Variants in PAM observed in about 807,000 individuals in gnomAD.
PAM encodes the protein peptidyl-glycine alpha-amidating monooxygenase.
A neutral mutation model predicts 122.1 loss-of-function variants in PAM; 72 were observed. That is an observed-to-expected ratio of 0.59 (90% CI 0.49 to 0.72). PAM has a LOEUF of 0.72. PAM is among the 30% of genes least tolerant of loss of function. The pLI is 0.00. For synonymous variants in PAM, 389 were observed against 404.4 expected (o/e 0.96, Z 0.46); for missense variants, 1,106 against 1,183.7 (o/e 0.93, Z 0.96).
At chr5:102,865,799 C>T (rs185444451) in intron 1 of PAM, 24 bp from the exon 2 acceptor site, 62 of 183,988 alleles carry the variant, frequency 3.4e-4, no homozygotes, top group African/African-American at 1.3e-3. Flanking sequence ...GTTAGTCATC[C>T]ATTATCTGCT....
intron 1 of PAM, among the ~76,000 whole-genome samples, chr5:102,793,370 A>G (rs192087796): frequency 1.5e-5 from 2 of 135,958 alleles, no homozygotes; most frequent in African/African-American, 5.1e-5. Context: ...TCAAAAAAAA[A>G]TGAAAAAAAA....
At chr5:102,805,440 T>C (rs922974690) in intron 1 of PAM, among the ~76,000 whole-genome samples, 1 of 152,164 alleles carries the variant, frequency 6.6e-6, no homozygotes, top group Non-Finnish European at 1.5e-5. Context: ...GTCTTTGAAG[T>C]CTTAGGATCC....
At chr5:102,761,538 A>G (rs1300437446) in intron 1 of PAM, among the ~76,000 whole-genome samples, 1 of 152,226 alleles carries the variant, frequency 6.6e-6, no homozygotes, top group African/African-American at 2.4e-5. Flanking sequence ...TCATACTACT[A>G]CCTGCTTTTT....
In PAM at chr5:103,028,986, A is replaced by C. The variant is rs1427421130; in HGVS notation, c.2843A>C (p.Gln948Pro). The change falls in exon 26 of 26, where the codon CAA becomes CCA. Residue 948 changes from glutamine to proline, a missense_variant. Physicochemically the swap from Gln to Pro is moderately conservative, Grantham distance 76. Coordinates refer to ENST00000438793, the MANE Select transcript of PAM (RefSeq NM_001177306.2). ...FDRLSTEGSDQEKEDDGSESE... is the reference protein window; with the variant it reads ...FDRLSTEGSDPEKEDDGSESE... ...CGGCTTAGCACTGAGGGCAGTGACC[A>C]AGAGAAAGAGGATGATGGAAGTGAA... 1 of 1,613,938 alleles carries C rather than the reference A, an allele frequency of 6.2e-7. No individual in the cohort carries two copies. The highest frequency in any genetic ancestry group is 1.1e-5 in the South Asian group (1 of 91,076).
chr5:102,994,845 T>G (rs983670812), intron 16 of PAM, among the ~76,000 whole-genome samples: 2 of 152,168 alleles, frequency 1.3e-5, no homozygotes, highest in African/African-American at 4.8e-5. Flanking sequence ...TTGTATTAGG[T>G]CTCTTTGATA....
At chr5:103,009,221 A>T (rs1239293649) in intron 20 of PAM, among the ~76,000 whole-genome samples, 1 of 152,194 alleles carries the variant, frequency 6.6e-6, no homozygotes, top group African/African-American at 2.4e-5. Flanking sequence ...TAAGGAAAAT[A>T]TGTCTTTGAT....
chr5:102,906,961 T>C (rs1183569063), intron 4 of PAM, among the ~76,000 whole-genome samples: 2 of 151,768 alleles, frequency 1.3e-5, no homozygotes, highest in Non-Finnish European at 2.9e-5. Context: ...ATGAAGTCTA[T>C]TGATTCTTTG....
chr5:102,826,728 G>A (rs1191920625), intron 1 of PAM, among the ~76,000 whole-genome samples: 1 of 152,114 alleles, frequency 6.6e-6, no homozygotes, highest in African/African-American at 2.4e-5. Flanking sequence ...TATGCTCCTT[G>A]ACAGGTCTTA....
At chr5:102,954,585 G>T (rs2150137106) in intron 12 of PAM, among the ~76,000 whole-genome samples, 1 of 151,860 alleles carries the variant, frequency 6.6e-6, no homozygotes, top group South Asian at 2.1e-4. Flanking sequence ...TTGCACCAAA[G>T]TATTATATAT....
At position 103,009,794 on chromosome 5, in the gene PAM, A is replaced by G. The variant is rs1039065799; in HGVS notation, c.2259A>G (p.Gln753=). The G allele has an allele frequency of 6.8e-6, 11 of 1,612,634 alleles. No individual in the cohort carries two copies. The East Asian group carries it at 1.3e-4, about 20-fold the overall frequency. ...ATGGGAAGCCTCATTTTGGGGACCA[A>G]GAACCTGTACAAGGATTTGTGATGA... The part of the protein sequence containing the change: ...AVNGKPHFGD[Q]EPVQGFVMNF... Residue 753 remains glutamine, a synonymous_variant, in exon 21 of 26, where the codon CAA becomes CAG. Transcript: ENST00000438793.
At chr5:102,896,104 T>C (rs1426042052) in intron 3 of PAM, 1 of 151,710 alleles carries the variant, frequency 6.6e-6, no homozygotes, top group African/African-American at 2.4e-5. Context: ...TTAATGATAG[T>C]AGATTATTAG....
chr5:102,898,318 G>A (rs1210929725), intron 3 of PAM, among the ~76,000 whole-genome samples: 1 of 151,438 alleles, frequency 6.6e-6, no homozygotes, highest in Non-Finnish European at 1.5e-5. Context: ...CAGTCCCCTG[G>A]CACCAAGCTC....
At chr5:102,799,668 T>G (rs1764200561) in intron 1 of PAM, among the ~76,000 whole-genome samples, 1 of 152,172 alleles carries the variant, frequency 6.6e-6, no homozygotes, top group South Asian at 2.1e-4. Context: ...TCTTTATCAT[T>G]TATAATATTT....
intron 16 of PAM, among the ~76,000 whole-genome samples, chr5:102,999,025 T>TGA (rs1340799306): frequency 6.6e-6 from 1 of 152,318 alleles, no homozygotes; most frequent in Non-Finnish European, 1.5e-5. Flanking sequence ...AAAAACGTCC[T>TGA]TCACATGATG....
intron 14 of PAM, 109 bp from the exon 15 acceptor site, chr5:102,974,007 C>T: frequency 1.4e-6 from 1 of 697,442 alleles, no homozygotes; most frequent in Non-Finnish European, 2.4e-6. Flanking sequence ...GCAAACTTCT[C>T]TCTTATTTAT....
At chr5:103,010,970 T>G (rs902116054) in intron 21 of PAM, among the ~76,000 whole-genome samples, 1 of 152,186 alleles carries the variant, frequency 6.6e-6, no homozygotes, top group African/African-American at 2.4e-5. Flanking sequence ...AATGTACAAT[T>G]AAATTATTAT....
rs529143544 is a variant in PAM at position 102,766,123 on chromosome 5, C to CT, written c.-374+10780dup. ...ATGATACAAGGCAGCAGCCCCTAAC[C>CT]TTTTTGGCACCAGGACCGGTTTCAT... On this transcript the variant is annotated intron_variant, in intron 1 of 25. Coordinates refer to ENST00000438793, the MANE Select transcript of PAM (RefSeq NM_001177306.2). 6.6e-5 allele frequency among the ~76,000 whole-genome samples: 10 copies of CT among 152,240 alleles called. No individual in the cohort carries two copies. In the South Asian group the frequency reaches 2.1e-3, roughly 32 times the overall value.
chr5:102,777,421 C>T (rs898607535), intron 1 of PAM, among the ~76,000 whole-genome samples: 5 of 152,082 alleles, frequency 3.3e-5, no homozygotes, highest in African/African-American at 1.2e-4. Context: ...AGAATTGAAG[C>T]TCCTTAGGTT....
intron 14 of PAM, among the ~76,000 whole-genome samples, chr5:102,966,123 TAC>T (rs1446043137): frequency 6.6e-6 from 1 of 152,118 alleles, no homozygotes; most frequent in Non-Finnish European, 1.5e-5. Context: ...TTAAAGAAGA[TAC>T]AGTTTTTGTT....
Sources: gnomAD v4.1 joint callset for allele counts (sites outside exome capture counted in the v4.1 genomes callset) on GRCh38, gnomAD v4.1.1 for gene constraint, MANE v1.5 for transcripts, NCBI Gene and HGNC (gene_info 2026-07-23, HGNC 2026-07-21) for gene names.